Variants in NGB observed in about 807,000 individuals in gnomAD.
NGB encodes the protein nitrite reductase.
NGB carries 12 observed loss-of-function variants against 17.3 expected under a neutral mutation model. The observed-to-expected ratio is 0.69, with a 90% CI of 0.45 to 1.13. The LOEUF is 1.13. Among genes scored for constraint, NGB ranks in the 50% most tolerant of loss-of-function variants. The probability of loss-of-function intolerance (pLI) is 0.00; values close to 1 mark genes in which losing one functional copy is unlikely to be tolerated. For synonymous variants in NGB, 87 were observed against 81.0 expected, an observed-to-expected ratio of 1.07 and a Z score of -0.40; for missense variants, 195 against 191.7, an observed-to-expected ratio of 1.02 and a Z score of -0.10.
chr14:77,270,067 G>A (rs1050284704), intron 1 of NGB, among the ~76,000 whole-genome samples: 1 of 151,964 alleles, frequency 6.6e-6, no homozygotes, highest in Non-Finnish European at 1.5e-5. Context: ...GTCTCACCGG[G>A]TAACTGAATG....
At chr14:77,268,032 C>T (rs146401513) in intron 3 of NGB, among the ~76,000 whole-genome samples, 2 of 152,356 alleles carry the variant, frequency 1.3e-5, no homozygotes, top group African/African-American at 4.8e-5. Flanking sequence ...GGACAGAGCT[C>T]AAAGGCTGAC....
chr14:77,267,957 C>A (rs2140142535), intron 3 of NGB, among the ~76,000 whole-genome samples: 2 of 152,334 alleles, frequency 1.3e-5, no homozygotes, highest in South Asian at 4.1e-4. Context: ...AAAACTCCCC[C>A]TTGGAACTCA....
In NGB at chr14:77,271,156, G is replaced by A. The variant is rs1889772981; in HGVS notation, c.-219C>T. ...GAGACACCCCAGCTGTGCTTCCGGGGACCCCGCTTGGCCGCTGCGCCCTGC... is the reference window on the plus strand; with the variant it reads ...GAGACACCCCAGCTGTGCTTCCGGGAACCCCGCTTGGCCGCTGCGCCCTGC... On this transcript the variant is annotated 5_prime_UTR_variant, in exon 1 of 4. Coordinates refer to ENST00000298352, the MANE Select transcript of NGB (RefSeq NM_021257.4). 3 of 442,796 alleles carry A rather than the reference G, an allele frequency of 6.8e-6. No individual in the cohort carries two copies. Among genetic ancestry groups the A allele is most frequent in the African/African-American group, 2.1e-5 (1 of 48,068 alleles). 27.4% of individuals were successfully genotyped at this position (442,796 alleles called of 1,614,324 possible). A position where few individuals can be genotyped will look rare whatever the true frequency, so the allele number is the denominator to read the frequency against.
At chr14:77,267,557 GTAAA>G (rs1460384072) in intron 3 of NGB, among the ~76,000 whole-genome samples, 3 of 152,182 alleles carry the variant, frequency 2.0e-5, no homozygotes, top group South Asian at 4.2e-4. Context: ...AAATAAGTAA[GTAAA>G]TAAATAAATA....
At position 77,270,982 on chromosome 14, in the gene NGB, C is replaced by G. The variant is rs1889769323; in HGVS notation, c.-45G>C. On this transcript the variant is annotated 5_prime_UTR_variant, in exon 1 of 4. Transcript: ENST00000298352. Reference sequence around the variant, plus strand: ...GCGCGGGGCTGGGACCCTCAGGGCTCGGGTGCCGTCACCGCACGTGCCGCG... The same window carrying G: ...GCGCGGGGCTGGGACCCTCAGGGCTGGGGTGCCGTCACCGCACGTGCCGCG... 7.1e-7 allele frequency: 1 copy of G among 1,407,278 alleles called. No individual in the cohort carries two copies. The highest frequency in any genetic ancestry group is 1.5e-5 in the African/African-American group (1 of 66,728). 87.2% of individuals were successfully genotyped at this position (1,407,278 alleles called of 1,614,324 possible). A position where few individuals can be genotyped will look rare whatever the true frequency, so the allele number is the denominator to read the frequency against.
intron 3 of NGB, 21 bp from the exon 4 acceptor site, chr14:77,266,691 T>C: frequency 4.3e-6 from 7 of 1,611,162 alleles, no homozygotes; most frequent in Non-Finnish European, 5.1e-6. Flanking sequence ...AAGGGGCACC[T>C]TGTCACTTCC....
intron 3 of NGB, 48 bp downstream of exon 3, chr14:77,268,418 T>C: frequency 1.3e-6 from 2 of 1,593,778 alleles, no homozygotes; most frequent in East Asian, 2.2e-5. Flanking sequence ...GAGAGAGAAG[T>C]GGCCCCAGGC....
intron 2 of NGB, 107 bp from the exon 3 acceptor site, chr14:77,268,692 C>T: frequency 1.4e-6 from 2 of 1,461,768 alleles, no homozygotes; most frequent in Non-Finnish European, 9.3e-7. Flanking sequence ...GCCAGTAGGA[C>T]CCTCAGTTCT....
chr14:77,267,107 G>C (rs1208335345), intron 3 of NGB, among the ~76,000 whole-genome samples: 1 of 152,234 alleles, frequency 6.6e-6, no homozygotes, highest in Admixed American at 6.5e-5. Flanking sequence ...CCTTGGGTAA[G>C]TTATGTAACC....
chr14:77,269,256 C>T lies in NGB; in HGVS notation c.160G>A (p.Asp54Asn), dbSNP rs747620505. The change falls in exon 2 of 4, where the codon GAC (aspartate) becomes AAC (asparagine). Residue 54 changes from aspartate to asparagine, a missense_variant. Physicochemically the swap from Asp to Asn is conservative, Grantham distance 23. Transcript: ENST00000298352. ...AGGAACTCAGGCGAGGAGAGACAGT[C>T]CTCTGGGCTGGAGAACTGGCGGCAG... Reference protein sequence around the residue: ...YNCRQFSSPEDCLSSPEFLDH... With the variant: ...YNCRQFSSPENCLSSPEFLDH... 1.9e-6 allele frequency: 3 copies of T among 1,551,768 alleles called. No individual in the cohort carries two copies. Among genetic ancestry groups the T allele is most frequent in the South Asian group, 2.4e-5 (2 of 84,054 alleles).
At position 77,271,042 on chromosome 14, in the gene NGB, C is replaced by T. The variant is rs1443030890; in HGVS notation, c.-105G>A. 9 of 804,086 alleles carry T rather than the reference C, an allele frequency of 1.1e-5. No homozygotes were observed. In the East Asian group the frequency reaches 2.3e-4, roughly 21 times the overall value. The allele number at this position is 804,086 out of a possible 1,614,324, so 49.8% of individuals were successfully genotyped here. A position where few individuals can be genotyped will look rare whatever the true frequency, so the allele number is the denominator to read the frequency against. Reference sequence around the variant, plus strand: ...CCGCGACGCGGTCCCCTCCGCCCCTCGTACGCCCCCCGTGCCTCCGCCCGG... The same window carrying T: ...CCGCGACGCGGTCCCCTCCGCCCCTTGTACGCCCCCCGTGCCTCCGCCCGG... On this transcript the variant is annotated 5_prime_UTR_variant, in exon 1 of 4. Transcript: ENST00000298352.
chr14:77,271,013 TCCTCCGCGACGCGGTCC>T lies in NGB; in HGVS notation c.-93_-77del. 8.8e-7 allele frequency: 1 copy of T among 1,134,286 alleles called. No individual in the cohort carries two copies. Among genetic ancestry groups the T allele is most frequent in the South Asian group, 1.6e-5 (1 of 62,686 alleles). 70.3% of individuals were successfully genotyped at this position (1,134,286 alleles called of 1,614,324 possible). ...CCGTCACCGCACGTGCCGCGCCATC[TCCTCCGCGACGCGGTCC>T]CCTCCGCCCCTCGTACGCCCCCCGT... On this transcript the variant is annotated 5_prime_UTR_variant, in exon 1 of 4. Transcript: ENST00000298352.
chr14:77,271,034 C>CCGCCCCTCGTA lies in NGB; in HGVS notation c.-108_-98dup. The CCGCCCCTCGTA allele has an allele frequency of 1.1e-6, 1 of 893,370 alleles. No individual in the cohort carries two copies. 55.3% of individuals were successfully genotyped at this position (893,370 alleles called of 1,614,324 possible). On this transcript the variant is annotated 5_prime_UTR_variant, in exon 1 of 4. Coordinates refer to ENST00000298352, the MANE Select transcript of NGB (RefSeq NM_021257.4). ...CATCTCCTCCGCGACGCGGTCCCCTCCGCCCCTCGTACGCCCCCCGTGCCT... is the reference window on the plus strand; with the variant it reads ...CATCTCCTCCGCGACGCGGTCCCCTCCGCCCCTCGTACGCCCCTCGTACGCCCCCCGTGCCT...
rs955857909 is a variant in NGB, at chr14:77,270,945, C to G, written c.-8G>C. ...GGGCTCCGGGCGCTCCATGCTGTCCCGGGGACGCGGAGCGCGGGGCTGGGA... is the reference window on the plus strand; with the variant it reads ...GGGCTCCGGGCGCTCCATGCTGTCCGGGGGACGCGGAGCGCGGGGCTGGGA... On this transcript the variant is annotated 5_prime_UTR_variant, in exon 1 of 4. Coordinates refer to ENST00000298352, the MANE Select transcript of NGB (RefSeq NM_021257.4). 3.3e-6 allele frequency: 5 copies of G among 1,526,672 alleles called. No individual in the cohort carries two copies. Among genetic ancestry groups the G allele is most frequent in the Non-Finnish European group, 4.4e-6 (5 of 1,142,508 alleles). 94.6% of individuals were successfully genotyped at this position (1,526,672 alleles called of 1,614,324 possible). A position where few individuals can be genotyped will look rare whatever the true frequency, so the allele number is the denominator to read the frequency against.
intron 1 of NGB, among the ~76,000 whole-genome samples, chr14:77,270,044 C>G (rs1889747846): frequency 6.6e-6 from 1 of 151,762 alleles, no homozygotes; most frequent in African/African-American, 2.4e-5. Flanking sequence ...AGGCCCTCCT[C>G]GGCATTTGGG....
chr14:77,269,751 C>G, intron 1 of NGB, among the ~76,000 whole-genome samples: 1 of 19,514 alleles, frequency 5.1e-5, no homozygotes, highest in Non-Finnish European at 8.8e-5. Context: ...CTCTCTCTCT[C>G]TCTCTCTCTC....
chr14:77,266,749 C>G, intron 3 of NGB, 79 bp from the exon 4 acceptor site: 1 of 1,521,640 alleles, frequency 6.6e-7, no homozygotes, highest in Non-Finnish European at 8.9e-7. Flanking sequence ...AAACTGAGGC[C>G]TAGGACTGAT....
chr14:77,271,054 G>C lies in NGB; in HGVS notation c.-117C>G. The C allele has an allele frequency of 1.4e-6, 1 of 712,146 alleles. No individual in the cohort carries two copies. Among genetic ancestry groups the C allele is most frequent in the Non-Finnish European group, 2.1e-6 (1 of 472,864 alleles). 44.1% of individuals were successfully genotyped at this position (712,146 alleles called of 1,614,324 possible). A position where few individuals can be genotyped will look rare whatever the true frequency, so the allele number is the denominator to read the frequency against. The stretch of plus-strand genomic sequence containing the variant: ...CCCCTCCGCCCCTCGTACGCCCCCC[G>C]TGCCTCCGCCCGGCGGGGGCCGCAG... On this transcript the variant is annotated 5_prime_UTR_variant, in exon 1 of 4. Transcript: ENST00000298352.
At position 77,271,013 on chromosome 14, in the gene NGB, T is replaced by TCCTCCGCGACGCGGTCC; in HGVS notation, c.-93_-77dup. ...CCGTCACCGCACGTGCCGCGCCATCTCCTCCGCGACGCGGTCCCCTCCGCC... is the reference window on the plus strand; with the variant it reads ...CCGTCACCGCACGTGCCGCGCCATCTCCTCCGCGACGCGGTCCCCTCCGCGACGCGGTCCCCTCCGCC... On this transcript the variant is annotated 5_prime_UTR_variant, in exon 1 of 4. Coordinates refer to ENST00000298352, the MANE Select transcript of NGB (RefSeq NM_021257.4). 1.8e-6 allele frequency: 2 copies of TCCTCCGCGACGCGGTCC among 1,134,286 alleles called. No individual in the cohort carries two copies. The highest frequency in any genetic ancestry group is 1.6e-5 in the South Asian group (1 of 62,686). The allele number at this position is 1,134,286 out of a possible 1,614,324, so 70.3% of individuals were successfully genotyped here. A position where few individuals can be genotyped will look rare whatever the true frequency, so the allele number is the denominator to read the frequency against.
Sources: gnomAD v4.1 joint callset for allele counts (sites outside exome capture counted in the v4.1 genomes callset) on GRCh38, gnomAD v4.1.1 for gene constraint, MANE v1.5 for transcripts, NCBI Gene and HGNC (gene_info 2026-07-23, HGNC 2026-07-21) for gene names.